DCDC1: variants seen among roughly 807,000 people sequenced by gnomAD.
DCDC1 encodes doublecortin domain containing 1.
A neutral mutation model predicts 178.3 loss-of-function variants in DCDC1; 200 were observed. The observed-to-expected ratio is 1.12, with a 90% CI of 1.00 to 1.26. The LOEUF (loss-of-function observed/expected upper bound fraction) is 1.26, where lower values mean the gene tolerates loss of function less well. DCDC1 is among the 50% of genes most tolerant of loss of function. The pLI is 0.00. For synonymous variants in DCDC1, 690 were observed against 604.8 expected, an observed-to-expected ratio of 1.14 and a Z score of -2.07; for missense variants, 1,983 against 1,749.2, an observed-to-expected ratio of 1.13 and a Z score of -2.38.
intron 20 of DCDC1, among the ~76,000 whole-genome samples, chr11:30,978,507 G>A (rs537594055): frequency 6.6e-6 from 1 of 151,834 alleles, no homozygotes; most frequent in African/African-American, 2.4e-5. Flanking sequence ...CATAATATTT[G>A]TACATATTTA....
chr11:31,102,525 G>C (rs1020233171), intron 14 of DCDC1, among the ~76,000 whole-genome samples: 2 of 152,156 alleles, frequency 1.3e-5, no homozygotes, highest in Non-Finnish European at 2.9e-5. Context: ...TGGCTGGACT[G>C]AGTGATCTCA....
chr11:30,919,931 G>A (rs1389487443), intron 25 of DCDC1, among the ~76,000 whole-genome samples: 1 of 152,154 alleles, frequency 6.6e-6, no homozygotes, highest in Non-Finnish European at 1.5e-5. Context: ...GCTGGTAGAG[G>A]GAGGGGTAGG....
chr11:30,994,532 T>TAC (rs1203935970), intron 20 of DCDC1, among the ~76,000 whole-genome samples: 1 of 147,572 alleles, frequency 6.8e-6, no homozygotes, highest in Non-Finnish European at 1.5e-5. Flanking sequence ...CCTCAAGTTA[T>TAC]ATATATATAT....
intron 1 of DCDC1, among the ~76,000 whole-genome samples, chr11:31,365,513 T>C (rs1951913440): frequency 6.6e-6 from 1 of 152,126 alleles, no homozygotes. Context: ...GTACACTATA[T>C]GTATACATCT....
intron 9 of DCDC1, among the ~76,000 whole-genome samples, chr11:31,188,625 G>GT (rs1760919422): frequency 6.6e-6 from 1 of 152,200 alleles, no homozygotes; most frequent in Non-Finnish European, 1.5e-5. Flanking sequence ...TGGGTGCCAT[G>GT]TATACCAAAC....
At chr11:31,238,605 C>T (rs1976728952) in intron 9 of DCDC1, among the ~76,000 whole-genome samples, 1 of 152,014 alleles carries the variant, frequency 6.6e-6, no homozygotes, top group Admixed American at 6.6e-5. Flanking sequence ...ACTTCAACAC[C>T]CCCACCAACA....
At chr11:31,265,409 T>C in intron 8 of DCDC1, 98 bp downstream of exon 8, 1 of 532,038 alleles carries the variant, frequency 1.9e-6, no homozygotes, top group Non-Finnish European at 3.0e-6. Flanking sequence ...TAAACTATGT[T>C]TTATTATATG....
At chr11:31,107,109 A>G in intron 12 of DCDC1, 149 bp from the exon 13 acceptor site, 1 of 596,796 alleles carries the variant, frequency 1.7e-6, no homozygotes, top group South Asian at 2.2e-5. Context: ...GAAGTGTGAA[A>G]TGACGGCAAT....
chr11:31,303,457 T>C (rs1948251311), intron 6 of DCDC1, among the ~76,000 whole-genome samples: 2 of 152,164 alleles, frequency 1.3e-5, no homozygotes, highest in Admixed American at 6.5e-5. Flanking sequence ...CACACGTTTT[T>C]ATTTTAATGG....
At chr11:31,103,616 T>C (rs780946202) in intron 14 of DCDC1, 28 bp downstream of exon 14, 1 of 751,414 alleles carries the variant, frequency 1.3e-6, no homozygotes. Context: ...TTTAACCACA[T>C]CTTTAACAAG....
intron 9 of DCDC1, among the ~76,000 whole-genome samples, chr11:31,240,710 C>T (rs1441170605): frequency 1.3e-5 from 2 of 151,944 alleles, no homozygotes; most frequent in Non-Finnish European, 2.9e-5. Flanking sequence ...ACATGTGCTT[C>T]GATTCTTAAA....
Position 30,929,729 on chromosome 11 carries a change from T to C in DCDC1, c.2897+2042A>G, listed in dbSNP as rs573188221. On this transcript the variant is annotated intron_variant, in intron 22 of 38. Coordinates refer to ENST00000684477, the MANE Select transcript of DCDC1 (RefSeq NM_001387274.1). ...GCCTTTCCTCTTAAAATTCCTTAAA[T>C]GTAACTTATAAAATTTTTCTTGTTT... Among the ~76,000 whole-genome samples, 7 of 152,164 alleles carry C rather than the reference T, an allele frequency of 4.6e-5. No individual in the cohort carries two copies. In the East Asian group the frequency reaches 1.4e-3, roughly 29 times the overall value.
chr11:31,330,836 T>C (rs952166500), intron 2 of DCDC1, among the ~76,000 whole-genome samples: 4 of 152,116 alleles, frequency 2.6e-5, no homozygotes, highest in African/African-American at 9.7e-5. Context: ...TAGCGTAATG[T>C]CTCCAGCTTT....
At chr11:31,094,384 T>C (rs1958011516) in intron 15 of DCDC1, among the ~76,000 whole-genome samples, 200 bp from the exon 16 acceptor site, 1 of 152,186 alleles carries the variant, frequency 6.6e-6, no homozygotes, top group African/African-American at 2.4e-5. Flanking sequence ...GACCCTATGC[T>C]GTGTGGTGTG....
At chr11:30,945,601 G>C (rs1309521565) in intron 21 of DCDC1, among the ~76,000 whole-genome samples, 1 of 151,986 alleles carries the variant, frequency 6.6e-6, no homozygotes, top group African/African-American at 2.4e-5. Context: ...GCAGAGGCAG[G>C]AGAATCGCTT....
chr11:31,004,681 CAAAAAAAAAA>C (rs201483189), intron 20 of DCDC1, among the ~76,000 whole-genome samples: 15,125 of 72,650 alleles, frequency 0.21, 1,010 homozygotes, highest in South Asian at 0.32. Flanking sequence ...CACTCTGTCT[CAAAAAAAAAA>C]AAAAAAAAAA....
intron 20 of DCDC1, among the ~76,000 whole-genome samples, chr11:30,988,496 C>A (rs781033475): frequency 6.6e-6 from 1 of 152,034 alleles, no homozygotes; most frequent in Non-Finnish European, 1.5e-5. Flanking sequence ...TATTTGGTCA[C>A]CTCTGTGACC....
rs1946946311 is a variant in DCDC1, at chr11:30,931,836, T to C, written c.2832A>G (p.Gly944=). Residue 944 remains glycine, a synonymous_variant, in exon 22 of 39, where the codon GGA becomes GGG. Coordinates refer to ENST00000684477, the MANE Select transcript of DCDC1 (RefSeq NM_001387274.1). ...TAACGGATCTGTTTTTATTCTTCTCTCCATTCTGCAAAACTCTGAGTCGCA... is the reference window on the plus strand; with the variant it reads ...TAACGGATCTGTTTTTATTCTTCTCCCCATTCTGCAAAACTCTGAGTCGCA... The part of the protein sequence containing the change: ...APVRLRVLQN[G]EKNKNRSVTI... 1 of 1,612,934 alleles carries C rather than the reference T, an allele frequency of 6.2e-7. No individual in the cohort carries two copies. The highest frequency in any genetic ancestry group is 8.5e-7 in the Non-Finnish European group (1 of 1,179,374).
chr11:31,082,700 C>CAT (rs748934518), intron 17 of DCDC1, among the ~76,000 whole-genome samples: 18 of 151,642 alleles, frequency 1.2e-4, no homozygotes, highest in South Asian at 4.2e-4. Context: ...TACATTTACA[C>CAT]ATATATATAT....
Sources: gnomAD v4.1 joint callset for allele counts (sites outside exome capture counted in the v4.1 genomes callset) on GRCh38, gnomAD v4.1.1 for gene constraint, MANE v1.5 for transcripts, NCBI Gene and HGNC (gene_info 2026-07-23, HGNC 2026-07-21) for gene names.